CNTN1: variants seen among roughly 807,000 people sequenced by gnomAD.
CNTN1 encodes contactin-1.
Under a neutral mutation model 126.4 loss-of-function variants are expected in CNTN1, and 38 were observed. That is an observed-to-expected ratio of 0.30 (90% CI 0.23 to 0.39). The LOEUF is 0.39. CNTN1 is among the 10% of genes least tolerant of loss of function. The pLI is 1.00. For synonymous variants in CNTN1, 413 were observed against 422.6 expected (o/e 0.98, Z 0.28); for missense variants, 1,009 against 1,248.4 (o/e 0.81, Z 2.89).
intron 1 of CNTN1, among the ~76,000 whole-genome samples, chr12:40,811,218 G>T (rs1941048487): frequency 6.6e-6 from 1 of 152,028 alleles, no homozygotes; most frequent in African/African-American, 2.4e-5. Context: ...TGATAATATG[G>T]TCATTCTGTT....
chr12:40,707,040 GCTTGCGCACACACACA>G (rs1378166903), intron 1 of CNTN1, among the ~76,000 whole-genome samples: 1 of 100,434 alleles, frequency 1.0e-5, no homozygotes, highest in Non-Finnish European at 2.1e-5. Flanking sequence ...GCGCGCGCGC[GCTTGCGCACACACACA>G]CACACACACA....
chr12:40,854,517 T>C (rs1017837498), intron 1 of CNTN1, among the ~76,000 whole-genome samples: 1 of 152,080 alleles, frequency 6.6e-6, no homozygotes, highest in Non-Finnish European at 1.5e-5. Flanking sequence ...ACTCTGTGTC[T>C]CTAAACTTGG....
intron 1 of CNTN1, among the ~76,000 whole-genome samples, chr12:40,717,080 T>C (rs1240662637): frequency 3.3e-5 from 5 of 152,180 alleles, no homozygotes; most frequent in African/African-American, 9.6e-5. Flanking sequence ...AAGTGTTATT[T>C]TTTTTCTGTT....
At chr12:40,907,530 T>C (rs11178982) in intron 1 of CNTN1, among the ~76,000 whole-genome samples, 73,417 of 152,018 alleles carry the variant, frequency 0.48, 17,829 homozygotes, top group African/African-American at 0.55. Flanking sequence ...TGGGTGAAAC[T>C]TTAGCAGTGT....
chr12:40,846,675 T>A (rs944157708), intron 1 of CNTN1, among the ~76,000 whole-genome samples: 1 of 140,518 alleles, frequency 7.1e-6, no homozygotes, highest in African/African-American at 2.6e-5. Flanking sequence ...ACAGTCTTTT[T>A]CTTTCTAATT....
At chr12:41,027,114 A>G (rs960473018) in intron 21 of CNTN1, among the ~76,000 whole-genome samples, 35 of 152,250 alleles carry the variant, frequency 2.3e-4, no homozygotes, top group African/African-American at 8.4e-4. Flanking sequence ...ATTACATTTG[A>G]AAAATGTATT....
At chr12:40,851,997 A>G (rs1942733263) in intron 1 of CNTN1, among the ~76,000 whole-genome samples, 1 of 152,070 alleles carries the variant, frequency 6.6e-6, no homozygotes, top group Non-Finnish European at 1.5e-5. Context: ...CTCCAAGTTG[A>G]AGGCTAGGTG....
intron 1 of CNTN1, among the ~76,000 whole-genome samples, chr12:40,780,309 A>G (rs1260668575): frequency 2.0e-5 from 3 of 151,862 alleles, no homozygotes; most frequent in African/African-American, 7.2e-5. Flanking sequence ...TACATATCCC[A>G]ATTGGGAAAA....
At chr12:40,965,998 CCACACACACACA>C (rs57532764) in intron 15 of CNTN1, among the ~76,000 whole-genome samples, 354 of 136,284 alleles carry the variant, frequency 2.6e-3, no homozygotes, top group African/African-American at 9.7e-3. Flanking sequence ...CCTCATCACA[CCACACACACACA>C]CACACACACA....
At chr12:40,699,421 G>T (rs940423094) in intron 1 of CNTN1, among the ~76,000 whole-genome samples, 1 of 150,890 alleles carries the variant, frequency 6.6e-6, no homozygotes, top group Admixed American at 6.6e-5. Flanking sequence ...ATAAAAGAGA[G>T]TTTTTTTTTA....
At chr12:40,925,315 C>G (rs1945603448) in intron 6 of CNTN1, among the ~76,000 whole-genome samples, 1 of 151,568 alleles carries the variant, frequency 6.6e-6, no homozygotes, top group East Asian at 1.9e-4. Flanking sequence ...ATATAAATAC[C>G]TGTTTTCACA....
chr12:40,835,571 A>T (rs1480493228), intron 1 of CNTN1, among the ~76,000 whole-genome samples: 2 of 152,092 alleles, frequency 1.3e-5, no homozygotes, highest in African/African-American at 4.8e-5. Context: ...CCCATATGCC[A>T]TTATGCCTGA....
chr12:40,723,825 T>A (rs1054112859), intron 1 of CNTN1, among the ~76,000 whole-genome samples: 7 of 152,290 alleles, frequency 4.6e-5, no homozygotes, highest in African/African-American at 1.7e-4. Flanking sequence ...TCTCTGCATG[T>A]GTTTAAATGG....
chr12:41,020,735 T>C (rs192473671), intron 20 of CNTN1, among the ~76,000 whole-genome samples: 2 of 152,316 alleles, frequency 1.3e-5, no homozygotes, highest in East Asian at 3.9e-4. Flanking sequence ...GAAAACATTC[T>C]CATAAAAAGC....
intron 12 of CNTN1, 132 bp from the exon 13 acceptor site, chr12:40,943,464 TA>T: frequency 2.9e-6 from 2 of 683,846 alleles, no homozygotes; most frequent in Non-Finnish European, 2.4e-6. Context: ...TTTGTCATCT[TA>T]CAAAAATGTC....
rs1173995963 is a variant in CNTN1, at chr12:40,922,352, T to C, written c.324T>C (p.Asp108=). The part of the protein sequence containing the change: ...LVINNPDKQK[D]AGIYYCLASN... Reference sequence around the variant, plus strand: ...TCAACAACCCTGACAAACAGAAAGATGCTGGAATATACTACTGTTTAGCAT... The same window carrying C: ...TCAACAACCCTGACAAACAGAAAGACGCTGGAATATACTACTGTTTAGCAT... Residue 108 remains aspartate, a synonymous_variant, in exon 5 of 24, where the codon GAT becomes GAC. Transcript: ENST00000551295. 6.2e-7 allele frequency: 1 copy of C among 1,614,082 alleles called. No homozygotes were observed. The highest frequency in any genetic ancestry group is 1.3e-5 in the African/African-American group (1 of 75,052).
chr12:40,694,974 G>T (rs140795546), intron 1 of CNTN1, among the ~76,000 whole-genome samples: 1 of 152,102 alleles, frequency 6.6e-6, no homozygotes, highest in Admixed American at 6.5e-5. Flanking sequence ...TCAACTAAAT[G>T]CATTTTAAAA....
intron 15 of CNTN1, among the ~76,000 whole-genome samples, chr12:40,976,356 A>G (rs948271262): frequency 1.3e-5 from 2 of 152,118 alleles, no homozygotes; most frequent in East Asian, 1.9e-4. Context: ...TCTCTCTTTT[A>G]TGTTAACTTT....
intron 1 of CNTN1, among the ~76,000 whole-genome samples, chr12:40,764,544 A>T (rs1449617832): frequency 6.6e-6 from 1 of 152,234 alleles, no homozygotes; most frequent in African/African-American, 2.4e-5. Context: ...TTTCAAAGAA[A>T]TGGCCTCCAG....
Sources: gnomAD v4.1 joint callset for allele counts (sites outside exome capture counted in the v4.1 genomes callset) on GRCh38, gnomAD v4.1.1 for gene constraint, MANE v1.5 for transcripts, NCBI Gene and HGNC (gene_info 2026-07-23, HGNC 2026-07-21) for gene names.